The following IQSEC3 variants were observed in gnomAD, a reference collection of about 807,000 sequenced individuals.
IQSEC3 encodes the protein IQ motif and Sec7 domain ArfGEF 3, also known as IQ motif and SEC7 domain-containing protein 3.
Under a neutral mutation model 105.4 loss-of-function variants are expected in IQSEC3, and 50 were observed. The observed-to-expected ratio is 0.47, with a 90% CI of 0.38 to 0.60. The LOEUF (loss-of-function observed/expected upper bound fraction) is 0.60, where lower values mean the gene tolerates loss of function less well. IQSEC3 is among the 20% of genes least tolerant of loss of function. IQSEC3 has a pLI of 0.00. For synonymous variants in IQSEC3, 708 were observed against 746.0 expected (o/e 0.95, Z 0.83); for missense variants, 1,415 against 1,630.0 (o/e 0.87, Z 2.27).
chr12:78,203 G>C (rs1223090365), intron 1 of IQSEC3, among the ~76,000 whole-genome samples: 39 of 151,494 alleles, frequency 2.6e-4, no homozygotes, highest in Admixed American at 1.6e-3. Context: ...CTCCTCCCGC[G>C]TTCCCGGCCC....
chr12:92,562 G>A (rs1026214458), intron 1 of IQSEC3, among the ~76,000 whole-genome samples: 1 of 152,294 alleles, frequency 6.6e-6, no homozygotes. Flanking sequence ...GATTGCACTC[G>A]GGCCTACGGG....
intron 1 of IQSEC3, among the ~76,000 whole-genome samples, chr12:78,071 G>A (rs1340510630): frequency 1.3e-5 from 2 of 151,390 alleles, no homozygotes; most frequent in Non-Finnish European, 3.0e-5. Flanking sequence ...CGCTGAGGAA[G>A]GCGGCTGCTG....
At chr12:70,102 GCCT>G (rs1863254741) in intron 1 of IQSEC3, among the ~76,000 whole-genome samples, 1 of 152,238 alleles carries the variant, frequency 6.6e-6, no homozygotes, top group African/African-American at 2.4e-5. Flanking sequence ...TCTTCCTCTG[GCCT>G]CCTTTCAGCA....
chr12:139,311 C>G lies in IQSEC3; in HGVS notation c.1948C>G (p.Leu650Val). Residue 650 changes from leucine to valine, a missense_variant, in exon 4 of 14, where the codon CTG becomes GTG. Around this residue, in one of 6 missense-constraint regions of IQSEC3, gnomAD observed 213 missense variants for 306.2 expected, o/e 0.70. Coordinates refer to ENST00000538872, the MANE Select transcript of IQSEC3 (RefSeq NM_001170738.2). ...GTCGCCCACGCTCTCCACCGACACC[C>G]TGCGCAAGCGGCTCTACCGCATCGG... ...CKSPTLSTDT[L>V]RKRLYRIGLN... The G allele has an allele frequency of 6.3e-7, 1 of 1,598,232 alleles. No homozygotes were observed.
Position 141,105 on chromosome 12 carries a change from T to TGGC in IQSEC3, c.1992-19_1992-18insGGC. 2.5e-6 allele frequency: 4 copies of TGGC among 1,577,950 alleles called. No homozygotes were observed. Among genetic ancestry groups the TGGC allele is most frequent in the South Asian group, 1.1e-5 (1 of 89,268 alleles). ...GCTTCAGCTCACTCTCTACTGCTTC[T>TGGC]CCCCACCCCCACCTCCAGAAACCCC... On this transcript the variant is annotated intron_variant, in intron 4 of 13. Transcript: ENST00000538872.
intron 1 of IQSEC3, among the ~76,000 whole-genome samples, chr12:95,860 T>TA (rs2136911551): frequency 6.6e-6 from 1 of 152,366 alleles, no homozygotes; most frequent in South Asian, 2.1e-4. Context: ...TATTACAGTT[T>TA]ATTCAATCAT....
Position 157,940 on chromosome 12 carries a change from G to A in IQSEC3, c.2443+246G>A, listed in dbSNP as rs534186845. Among the ~76,000 whole-genome samples the A allele has an allele frequency of 5.9e-5, 9 of 152,358 alleles. No homozygotes were observed. In the South Asian group the frequency reaches 1.0e-3, roughly 18 times the overall value. The stretch of plus-strand genomic sequence containing the variant: ...CCTTGGGCAGTGCCTCTTGCCCTCC[G>A]TGGAACATGGTTGGCCTCTAGGCCC... On this transcript the variant is annotated intron_variant, in intron 7 of 13. Coordinates refer to ENST00000538872, the MANE Select transcript of IQSEC3 (RefSeq NM_001170738.2).
At position 125,641 on chromosome 12, in the gene IQSEC3, C is replaced by G; in HGVS notation, c.632C>G (p.Ser211Cys). 1 of 1,517,370 alleles carries G rather than the reference C, an allele frequency of 6.6e-7. No individual in the cohort carries two copies. Among genetic ancestry groups the G allele is most frequent in the Non-Finnish European group, 8.7e-7 (1 of 1,144,954 alleles). 94.0% of individuals were successfully genotyped at this position (1,517,370 alleles called of 1,614,324 possible). ...TTGCCTTCTGTTCACAGTGATGGCT[C>G]CTGCACCCAGGCCGGTGGGGGCATG... ...CSDLASQSDG[S>C]CTQAGGGMED... Residue 211 changes from serine to cysteine, a missense_variant, in exon 3 of 14, where the codon TCC becomes TGC. Around this residue, in one of 6 missense-constraint regions of IQSEC3, gnomAD observed 720 missense variants for 633.0 expected, o/e 1.14. Transcript: ENST00000538872.
intron 2 of IQSEC3, among the ~76,000 whole-genome samples, chr12:119,974 CT>C (rs1363224997): frequency 6.6e-6 from 1 of 152,178 alleles, no homozygotes; most frequent in East Asian, 1.9e-4. Flanking sequence ...CATTTCTGCC[CT>C]TGGAAAAGTA....
chr12:116,832 G>A (rs1028887730), intron 2 of IQSEC3, among the ~76,000 whole-genome samples: 5 of 152,216 alleles, frequency 3.3e-5, no homozygotes, highest in Admixed American at 3.3e-4. Context: ...TAAAGACAAG[G>A]GGGGCGTTTG....
At chr12:104,604 G>A (rs896594016) in intron 2 of IQSEC3, among the ~76,000 whole-genome samples, 4 of 152,058 alleles carry the variant, frequency 2.6e-5, no homozygotes, top group Non-Finnish European at 4.4e-5. Flanking sequence ...TTGGCGAGGC[G>A]TACTGCGCCC....
At position 162,022 on chromosome 12, in the gene IQSEC3, C is replaced by T. The variant is rs782132448; in HGVS notation, c.2540C>T (p.Thr847Met). The stretch of plus-strand genomic sequence containing the variant: ...CTCAAGTCCAATGAGGACCACGTCA[C>T]GTACGTCACCAAGGTGGAGAAGTCC... The part of the protein sequence containing the change: ...KELKSNEDHV[T>M]YVTKVEKSIV... The change falls in exon 8 of 14, where the codon ACG (threonine) becomes ATG (methionine). Residue 847 changes from threonine (T) to methionine (M), a missense_variant. Thr to Met is a moderately conservative substitution (Grantham distance 81, BLOSUM62 -1). Coordinates refer to ENST00000538872, the MANE Select transcript of IQSEC3 (RefSeq NM_001170738.2). The T allele has an allele frequency of 4.5e-5, 72 of 1,613,712 alleles. No homozygotes were observed. Among genetic ancestry groups the T allele is most frequent in the African/African-American group, 1.5e-4 (11 of 74,912 alleles).
intron 12 of IQSEC3, among the ~76,000 whole-genome samples, chr12:170,745 C>T (rs1938941585): frequency 6.6e-6 from 1 of 152,220 alleles, no homozygotes; most frequent in Non-Finnish European, 1.5e-5. Context: ...AGCAAAGAAG[C>T]GTGGCCCACG....
chr12:89,959 T>C (rs1290202092), intron 1 of IQSEC3, among the ~76,000 whole-genome samples: 2 of 152,272 alleles, frequency 1.3e-5, no homozygotes, highest in African/African-American at 4.8e-5. Flanking sequence ...GAAGGGTATA[T>C]GATAAATGTA....
chr12:76,331 G>A (rs1437661964), intron 1 of IQSEC3, among the ~76,000 whole-genome samples: 12 of 152,256 alleles, frequency 7.9e-5, no homozygotes, highest in South Asian at 2.1e-4. Context: ...ATACCGTGAC[G>A]GGACGGTGAG....
intron 2 of IQSEC3, among the ~76,000 whole-genome samples, chr12:115,332 G>T (rs1865015021): frequency 6.6e-6 from 1 of 152,196 alleles, no homozygotes; most frequent in Non-Finnish European, 1.5e-5. Flanking sequence ...GTGAAGTAGG[G>T]CTGACCTGGG....
intron 2 of IQSEC3, among the ~76,000 whole-genome samples, chr12:103,398 G>C (rs1864492776): frequency 8.2e-6 from 1 of 121,444 alleles, no homozygotes; most frequent in African/African-American, 3.2e-5. Context: ...GCAGGGCTCA[G>C]AAGACGAAGT....
At chr12:90,991 G>A (rs201121230) in intron 1 of IQSEC3, among the ~76,000 whole-genome samples, 1 of 152,134 alleles carries the variant, frequency 6.6e-6, no homozygotes, top group Non-Finnish European at 1.5e-5. Context: ...GATGGGGCAG[G>A]TGACCAGAAG....
intron 1 of IQSEC3, among the ~76,000 whole-genome samples, chr12:70,951 A>C (rs4018361): frequency 6.6e-6 from 1 of 152,014 alleles, no homozygotes; most frequent in South Asian, 2.1e-4. Flanking sequence ...TTTTTCCTTC[A>C]TTCTCTTCTC....
Sources: allele counts gnomAD v4.1 joint callset (sites outside exome capture counted in the v4.1 genomes callset), GRCh38; gene constraint gnomAD v4.1.1; regional missense constraint gnomAD v4.1.1; transcripts MANE v1.5; gene names NCBI Gene and HGNC (gene_info 2026-07-23, HGNC 2026-07-21).